AP1S3: variants seen among roughly 807,000 people sequenced by gnomAD.
The protein encoded by AP1S3 is AP-1 complex subunit sigma-3.
AP1S3 carries 10 observed loss-of-function variants against 20.9 expected under a neutral mutation model. The observed-to-expected ratio is 0.48, with a 90% CI of 0.29 to 0.81. The LOEUF is 0.81. Among genes scored for constraint, AP1S3 ranks in the 30% least tolerant of loss-of-function variants. The probability of loss-of-function intolerance (pLI) is 0.08; values close to 1 mark genes in which losing one functional copy is unlikely to be tolerated. For synonymous variants in AP1S3, 41 were observed against 61.5 expected (o/e 0.67, Z 1.56); for missense variants, 154 against 183.8 (o/e 0.84, Z 0.94).
intron 4 of AP1S3, among the ~76,000 whole-genome samples, chr2:223,761,408 A>G (rs6735738): frequency 5.6e-4 from 86 of 152,300 alleles, no homozygotes; most frequent in African/African-American, 2.0e-3. Context: ...CCTATTGCTC[A>G]TGAGATACAA....
intron 1 of AP1S3, among the ~76,000 whole-genome samples, chr2:223,835,439 G>C (rs181940923): frequency 4.6e-5 from 7 of 152,092 alleles, no homozygotes; most frequent in Non-Finnish European, 7.4e-5. Context: ...GGTGGATCAC[G>C]AGGTCAGGAG....
At chr2:223,833,191 C>T (rs1485648819) in intron 1 of AP1S3, among the ~76,000 whole-genome samples, 2 of 151,834 alleles carry the variant, frequency 1.3e-5, no homozygotes, top group Non-Finnish European at 2.9e-5. Flanking sequence ...ACCCCCAAAG[C>T]ATTTCAAATG....
intron 1 of AP1S3, among the ~76,000 whole-genome samples, chr2:223,812,006 G>C (rs977246266): frequency 1.3e-5 from 2 of 152,176 alleles, no homozygotes; most frequent in African/African-American, 4.8e-5. Context: ...TTAACTATCT[G>C]ACGCTATGCC....
At position 223,808,666 on chromosome 2, in the gene AP1S3, T is replaced by G. The variant is rs16865221; in HGVS notation, c.3+28782A>C. Among the ~76,000 whole-genome samples the G allele has an allele frequency of 7.7e-3, 1,178 of 152,348 alleles. 13 individuals carry two copies. The highest frequency in any genetic ancestry group is 0.027 in the African/African-American group (1,135 of 41,592). On this transcript the variant is annotated intron_variant, in intron 1 of 4. Transcript: ENST00000396654. ...TCTGGCAACTAAATTTCCTTATAAA[T>G]ACTCAGTTTCCTTCAGAGTACTCAA... is the stretch of plus-strand genomic sequence containing the variant.
In AP1S3 at chr2:223,758,143, T is replaced by TA. The variant is rs35904205; in HGVS notation, c.*571dup. The TA allele has an allele frequency of 3.1e-6, 3 of 979,854 alleles. No homozygotes were observed. Among genetic ancestry groups the TA allele is most frequent in the Non-Finnish European group, 2.4e-6 (2 of 824,850 alleles). 60.7% of individuals were successfully genotyped at this position (979,854 alleles called of 1,614,324 possible). A position where few individuals can be genotyped will look rare whatever the true frequency, so the allele number is the denominator to read the frequency against. On this transcript the variant is annotated 3_prime_UTR_variant, in exon 5 of 5. Transcript: ENST00000396654. ...TTGGTTATTTTCATAATCCCAATTC[T>TA]AAAAAAAATAAATGAATTCAGCACA... is the stretch of plus-strand genomic sequence containing the variant.
chr2:223,837,364 C>A, intron 1 of AP1S3, 84 bp downstream of exon 1: 2 of 782,182 alleles, frequency 2.6e-6, no homozygotes, highest in Non-Finnish European at 3.4e-6. Flanking sequence ...CCCGGCCGCG[C>A]GCCCGGCCCG....
chr2:223,823,223 G>C (rs1218888673), intron 1 of AP1S3, among the ~76,000 whole-genome samples: 2 of 152,110 alleles, frequency 1.3e-5, no homozygotes, highest in Non-Finnish European at 1.5e-5. Context: ...ATATGATCCA[G>C]CAATCCCACT....
chr2:223,815,601 C>G (rs1293988321), intron 1 of AP1S3, among the ~76,000 whole-genome samples: 5 of 152,194 alleles, frequency 3.3e-5, no homozygotes, highest in Non-Finnish European at 7.3e-5. Context: ...GGTAATCAGT[C>G]TTAGTTTCCT....
At chr2:223,787,307 G>A (rs1314703361) in intron 1 of AP1S3, among the ~76,000 whole-genome samples, 5 of 152,072 alleles carry the variant, frequency 3.3e-5, no homozygotes, top group Admixed American at 1.3e-4. Context: ...ACCCAGTCTC[G>A]GGTATTTCTT....
At position 223,777,679 on chromosome 2, in the gene AP1S3, A is replaced by G; in HGVS notation, c.182+12T>C. Reference sequence around the variant, plus strand: ...AGACTGAGAAATTGAGCTCTCAAAAAGTTACTCACACCTTTTATAAACAAG... The same window carrying G: ...AGACTGAGAAATTGAGCTCTCAAAAGGTTACTCACACCTTTTATAAACAAG... On this transcript the variant is annotated intron_variant, in intron 2 of 4. Transcript: ENST00000396654. 2 of 1,609,304 alleles carry G rather than the reference A, an allele frequency of 1.2e-6. No individual in the cohort carries two copies. Among genetic ancestry groups the G allele is most frequent in the Non-Finnish European group, 8.5e-7 (1 of 1,178,098 alleles).
rs66977512 is a variant in AP1S3 at position 223,755,529 on chromosome 2, A to ATTTTT, written c.*3181_*3185dup. On this transcript the variant is annotated 3_prime_UTR_variant, in exon 5 of 5. Transcript: ENST00000396654. ...CATATAGATATGTTTACTTACTTTC[A>ATTTTT]TTTTTTTTTTTTTTTTTTTGAGACA... is the stretch of plus-strand genomic sequence containing the variant. Among the ~76,000 whole-genome samples the ATTTTT allele has an allele frequency of 1.7e-5, 2 of 118,228 alleles. No homozygotes were observed. The highest frequency in any genetic ancestry group is 1.7e-5 in the Non-Finnish European group (1 of 58,050). 77.6% of individuals were successfully genotyped at this position (118,228 alleles called of 152,430 possible).
intron 1 of AP1S3, among the ~76,000 whole-genome samples, chr2:223,808,779 G>GTGGA (rs1691642073): frequency 6.6e-6 from 1 of 152,194 alleles, no homozygotes; most frequent in Admixed American, 6.5e-5. Flanking sequence ...GCTGAGGCAG[G>GTGGA]TGGATCGCTT....
At chr2:223,818,580 T>C (rs1193634122) in intron 1 of AP1S3, among the ~76,000 whole-genome samples, 1 of 152,028 alleles carries the variant, frequency 6.6e-6, no homozygotes, top group Non-Finnish European at 1.5e-5. Flanking sequence ...TGAGATGGCA[T>C]CTTGCTCTGT....
At chr2:223,810,161 A>C (rs1037356941) in intron 1 of AP1S3, among the ~76,000 whole-genome samples, 5 of 152,204 alleles carry the variant, frequency 3.3e-5, no homozygotes, top group Admixed American at 1.3e-4. Context: ...GTTCAGGACA[A>C]GAATCTGGGG....
chr2:223,808,608 T>C (rs1281869086), intron 1 of AP1S3, among the ~76,000 whole-genome samples: 3 of 152,228 alleles, frequency 2.0e-5, no homozygotes, highest in Non-Finnish European at 4.4e-5. Flanking sequence ...GCATATTGAC[T>C]AGAACACACT....
intron 1 of AP1S3, among the ~76,000 whole-genome samples, chr2:223,833,345 T>G (rs1395984523): frequency 1.3e-5 from 2 of 152,272 alleles, no homozygotes; most frequent in Middle Eastern, 3.4e-3. Context: ...CATAAGCCTT[T>G]TTAAACACAC....
At chr2:223,760,642 G>T (rs569290521) in intron 4 of AP1S3, among the ~76,000 whole-genome samples, 1 of 151,410 alleles carries the variant, frequency 6.6e-6, no homozygotes, top group East Asian at 2.0e-4. Flanking sequence ...TGGTTTTATG[G>T]AATCTAGAGT....
chr2:223,762,795 A>G (rs1331760637), intron 4 of AP1S3, among the ~76,000 whole-genome samples: 1 of 152,164 alleles, frequency 6.6e-6, no homozygotes, highest in Non-Finnish European at 1.5e-5. Context: ...TATTCTAAGA[A>G]ACTGTTATTA....
At chr2:223,796,127 C>T (rs867649868) in intron 1 of AP1S3, among the ~76,000 whole-genome samples, 2 of 152,044 alleles carry the variant, frequency 1.3e-5, no homozygotes, top group Non-Finnish European at 2.9e-5. Context: ...GAGCCAAGAT[C>T]GCATCATTGC....
Sources: gnomAD v4.1 joint callset for allele counts (sites outside exome capture counted in the v4.1 genomes callset) on GRCh38, gnomAD v4.1.1 for gene constraint, MANE v1.5 for transcripts, NCBI Gene and HGNC (gene_info 2026-07-23, HGNC 2026-07-21) for gene names.